The following ANKRD1 variants were observed in gnomAD, a reference collection of about 807,000 sequenced individuals.
ANKRD1 encodes the protein ankyrin repeat domain-containing protein 1.
Under a neutral mutation model 40.1 loss-of-function variants are expected in ANKRD1, and 32 were observed. The observed-to-expected ratio is 0.80, with a 90% confidence interval of 0.60 to 1.07. The LOEUF (loss-of-function observed/expected upper bound fraction) is 1.07, where lower values mean the gene tolerates loss of function less well. Among genes scored for constraint, ANKRD1 ranks in the 50% least tolerant of loss-of-function variants. The pLI, the probability that ANKRD1 is intolerant of heterozygous loss-of-function variation, is 0.00. For missense variants in ANKRD1, 359 were observed against 386.0 expected (o/e 0.93, Z 0.59); for synonymous variants, 149 against 141.2 (o/e 1.06, Z -0.39).
At chr10:90,920,135 C>A in intron 2 of ANKRD1, 34 bp downstream of exon 2, 1 of 1,612,470 alleles carries the variant, frequency 6.2e-7, no homozygotes, top group Non-Finnish European at 8.5e-7. Context: ...CCAGCCCCAA[C>A]ATCCTACTAG....
intron 4 of ANKRD1, 82 bp downstream of exon 4, chr10:90,918,783 A>G (rs1847398520): frequency 1.7e-6 from 2 of 1,160,308 alleles, no homozygotes; most frequent in Non-Finnish European, 2.5e-6. Context: ...GGACTTTGGC[A>G]CTATATTAGC....
In ANKRD1 at chr10:90,915,644, A is replaced by G. The variant is rs370493814; in HGVS notation, c.751-3T>C. ...TCATGCAACGGGGTATCTCCTTCCT[A>G]GAGAAGCAGAGTCAACAGGTTCAAG... On this transcript the variant is annotated splice_polypyrimidine_tract_variant and splice_region_variant and intron_variant, in intron 7 of 8. Coordinates refer to ENST00000371697, the MANE Select transcript of ANKRD1 (RefSeq NM_014391.3). 3.7e-6 allele frequency: 6 copies of G among 1,613,204 alleles called. No homozygotes were observed. The African/African-American group carries it at 4.0e-5, about 11-fold the overall frequency.
At position 90,920,221 on chromosome 10, in the gene ANKRD1, G is replaced by C. The variant is rs1443210840; in HGVS notation, c.155C>G (p.Pro52Arg). 1.2e-6 allele frequency: 2 copies of C among 1,614,080 alleles called. No individual in the cohort carries two copies. The highest frequency in any genetic ancestry group is 2.7e-5 in the African/African-American group (2 of 75,056). The stretch of plus-strand genomic sequence containing the variant: ...CCACTGTTGCTCCCCCAGGGTCACA[G>C]GGTGGGCTAGAAGTGTCTTCAGATC... ...QEDLKTLLAHPVTLGEQQWKS... is the reference protein window; with the variant it reads ...QEDLKTLLAHRVTLGEQQWKS... The change falls in exon 2 of 9, where the codon CCT becomes CGT. Residue 52 changes from proline (P) to arginine (R), a missense_variant. Coordinates refer to ENST00000371697, the MANE Select transcript of ANKRD1 (RefSeq NM_014391.3).
At chr10:90,918,390 A>G (rs974025985) in intron 4 of ANKRD1, among the ~76,000 whole-genome samples, 5 of 152,154 alleles carry the variant, frequency 3.3e-5, no homozygotes, top group Non-Finnish European at 4.4e-5. Context: ...TTTCACTCCA[A>G]TGCCCCATGT....
In ANKRD1 at chr10:90,912,792, C is replaced by G. The variant is rs1847329250; in HGVS notation, c.*74G>C. 2 of 1,326,462 alleles carry G rather than the reference C, an allele frequency of 1.5e-6. No homozygotes were observed. Among genetic ancestry groups the G allele is most frequent in the East Asian group, 4.6e-5 (2 of 43,472 alleles). 82.2% of individuals were successfully genotyped at this position (1,326,462 alleles called of 1,614,324 possible). ...GATAAATAGAAACTAGATTTTATGG[C>G]TAGTGTCTCTTCTCTTGGGCCATGC... On this transcript the variant is annotated 3_prime_UTR_variant, in exon 9 of 9. Transcript: ENST00000371697.
At chr10:90,916,357 T>C in intron 5 of ANKRD1, 88 bp from the exon 6 acceptor site, 1 of 948,886 alleles carries the variant, frequency 1.1e-6, no homozygotes, top group East Asian at 2.4e-5. Flanking sequence ...GTGAAAATAA[T>C]GAGTTGTCCC....
chr10:90,915,746 A>G (rs1407634957), intron 7 of ANKRD1, 36 bp downstream of exon 7: 2 of 1,612,522 alleles, frequency 1.2e-6, no homozygotes, highest in Admixed American at 1.7e-5. Flanking sequence ...AAAAGCAATG[A>G]AGCTTTGGGA....
chr10:90,920,491 G>A (rs1403814597), intron 1 of ANKRD1, 143 bp from the exon 2 acceptor site: 7 of 839,274 alleles, frequency 8.3e-6, no homozygotes, highest in African/African-American at 3.3e-5. Context: ...CTCAAGCTGC[G>A]ATGCACACTG....
rs1334039758 is a variant in ANKRD1 at position 90,912,872 on chromosome 10, T to C, written c.954A>G (p.Thr318=). 1 of 1,613,846 alleles carries C rather than the reference T, an allele frequency of 6.2e-7. No homozygotes were observed. The highest frequency in any genetic ancestry group is 2.2e-5 in the East Asian group (1 of 44,882). The part of the protein sequence containing the change: ...ENSYKTSRIA[T]F ...TAAGAGTCTGTCGTTTGCCTCAGAA[T>C]GTAGCTATGCGAGAGGTCTTGTAGG... The change falls in exon 9 of 9, where the codon ACA becomes ACG. Residue 318 remains threonine, a synonymous_variant. Transcript: ENST00000371697.
intron 1 of ANKRD1, 63 bp from the exon 2 acceptor site, chr10:90,920,411 A>G (rs1407266500): frequency 1.3e-6 from 2 of 1,592,488 alleles, no homozygotes; most frequent in Non-Finnish European, 1.7e-6. Flanking sequence ...TTCTTCACAG[A>G]CAATGCCGCA....
intron 8 of ANKRD1, among the ~76,000 whole-genome samples, chr10:90,913,995 C>T (rs1032735329): frequency 2.0e-5 from 3 of 152,086 alleles, no homozygotes; most frequent in East Asian, 3.9e-4. Flanking sequence ...GCCATCTGCC[C>T]GGCACAGTGA....
intron 8 of ANKRD1, among the ~76,000 whole-genome samples, chr10:90,914,981 T>C (rs1473817227): frequency 6.6e-6 from 1 of 151,666 alleles, no homozygotes. Flanking sequence ...CAAATCCAAG[T>C]GGAGAATGGA....
intron 2 of ANKRD1, 61 bp from the exon 3 acceptor site, chr10:90,919,329 T>G (rs1564574827): frequency 4.7e-6 from 7 of 1,485,196 alleles, no homozygotes; most frequent in Non-Finnish European, 6.4e-6. Flanking sequence ...ATTCTGGTTG[T>G]GTCTAAACTA....
At chr10:90,919,900 T>C (rs1431937876) in intron 2 of ANKRD1, among the ~76,000 whole-genome samples, 1 of 152,238 alleles carries the variant, frequency 6.6e-6, no homozygotes, top group Non-Finnish European at 1.5e-5. Context: ...ACATGGTGTG[T>C]AACATCAGGA....
intron 8 of ANKRD1, among the ~76,000 whole-genome samples, chr10:90,913,552 A>T (rs556504223): frequency 6.6e-6 from 1 of 152,208 alleles, no homozygotes; most frequent in Non-Finnish European, 1.5e-5. Context: ...GCAATGACAC[A>T]TGTGAACAAA....
In ANKRD1 at chr10:90,912,497, G is replaced by A. The variant is rs1847326013; in HGVS notation, c.*369C>T. On this transcript the variant is annotated 3_prime_UTR_variant, in exon 9 of 9. Transcript: ENST00000371697. ...AGCCCTCTCTTAAAAACTCTTACAT[G>A]AGCGAATGACACATAAGTAGGCACT... The A allele has an allele frequency of 3.9e-6, 1 of 258,374 alleles. No individual in the cohort carries two copies. Among genetic ancestry groups the A allele is most frequent in the African/African-American group, 2.2e-5 (1 of 44,636 alleles). 16.0% of individuals were successfully genotyped at this position (258,374 alleles called of 1,614,324 possible).
intron 8 of ANKRD1, among the ~76,000 whole-genome samples, 176 bp from the exon 9 acceptor site, chr10:90,913,152 G>C (rs1384208457): frequency 6.6e-6 from 1 of 152,198 alleles, no homozygotes; most frequent in Non-Finnish European, 1.5e-5. Flanking sequence ...GTTTCTCAGA[G>C]GGATGCTTTT....
Position 90,915,643 on chromosome 10 carries a change from T to G in ANKRD1, c.751-2A>C. 1 of 1,613,240 alleles carries G rather than the reference T, an allele frequency of 6.2e-7. No individual in the cohort carries two copies. Among genetic ancestry groups the G allele is most frequent in the Non-Finnish European group, 8.5e-7 (1 of 1,179,502 alleles). On this transcript the variant is annotated splice_acceptor_variant, in intron 7 of 8. Transcript: ENST00000371697. LOFTEE classifies it high-confidence loss of function. ...ATCATGCAACGGGGTATCTCCTTCC[T>G]AGAGAAGCAGAGTCAACAGGTTCAA... is the stretch of plus-strand genomic sequence containing the variant.
chr10:90,912,862 T>A lies in ANKRD1; in HGVS notation c.*4A>T. 6.2e-7 allele frequency: 1 copy of A among 1,613,132 alleles called. No individual in the cohort carries two copies. The highest frequency in any genetic ancestry group is 1.3e-5 in the African/African-American group (1 of 75,016). ...ATTTACTGATTAAGAGTCTGTCGTT[T>A]GCCTCAGAATGTAGCTATGCGAGAG... On this transcript the variant is annotated 3_prime_UTR_variant, in exon 9 of 9. Transcript: ENST00000371697.
Sources: allele counts gnomAD v4.1 joint callset (sites outside exome capture counted in the v4.1 genomes callset), GRCh38; gene constraint gnomAD v4.1.1; transcripts MANE v1.5; gene names NCBI Gene and HGNC (gene_info 2026-07-23, HGNC 2026-07-21).